Variants in BTRC observed in about 807,000 individuals in gnomAD.
BTRC encodes the protein beta-transducin repeat containing E3 ubiquitin protein ligase, also known as F-box/WD repeat-containing protein 1A.
Under a neutral mutation model 85.5 loss-of-function variants are expected in BTRC, and 42 were observed. The ratio of observed to expected loss-of-function variants is 0.49; its 90% confidence interval spans 0.38 to 0.64. The LOEUF (loss-of-function observed/expected upper bound fraction) is 0.64, where lower values mean the gene tolerates loss of function less well. Ranked by LOEUF, BTRC falls within the 30% of genes least tolerant of loss-of-function variation. The pLI is 0.00. For synonymous variants in BTRC, 255 were observed against 263.3 expected (o/e 0.97, Z 0.30); for missense variants, 594 against 743.5 (o/e 0.80, Z 2.34).
chr10:101,436,623 AAAATAGATAGATAGAT>A (rs1254139063), intron 2 of BTRC, among the ~76,000 whole-genome samples: 1 of 106,876 alleles, frequency 9.4e-6, no homozygotes, highest in East Asian at 3.1e-4. Context: ...TCAATTAAAA[AAAATAGATAGATAGAT>A]AGATAGATAG....
At chr10:101,466,735 T>C (rs902493741) in intron 3 of BTRC, among the ~76,000 whole-genome samples, 2 of 152,210 alleles carry the variant, frequency 1.3e-5, no homozygotes, top group African/African-American at 4.8e-5. Flanking sequence ...AATTGTCAGC[T>C]GAAAGAAAAA....
intron 2 of BTRC, among the ~76,000 whole-genome samples, chr10:101,460,505 G>T (rs1945196378): frequency 6.6e-6 from 1 of 151,834 alleles, no homozygotes; most frequent in African/African-American, 2.4e-5. Context: ...TTAATTTTAG[G>T]GACTTTTACA....
intron 1 of BTRC, among the ~76,000 whole-genome samples, chr10:101,367,466 A>G (rs1333673021): frequency 2.6e-5 from 4 of 152,168 alleles, no homozygotes; most frequent in Non-Finnish European, 5.9e-5. Context: ...AAATAGTTAC[A>G]TATTTTTAAT....
rs1378729392 is a variant in BTRC at position 101,366,906 on chromosome 10, ATT to A, written c.48+12679_48+12680del. Among the ~76,000 whole-genome samples, 41 of 29,418 alleles carry A rather than the reference ATT, an allele frequency of 1.4e-3. 2 individuals are homozygous for A. Among genetic ancestry groups the A allele is most frequent in the South Asian group, 3.5e-3 (3 of 848 alleles). 19.3% of individuals were successfully genotyped at this position (29,418 alleles called of 152,430 possible). On this transcript the variant is annotated intron_variant, in intron 1 of 14. Coordinates refer to ENST00000370187, the MANE Select transcript of BTRC (RefSeq NM_033637.4). ...TATATATTTATATATATTTATATAT[ATT>A]AATATATATTTATATATATTTATAT...
chr10:101,436,883 G>A (rs145348271), intron 2 of BTRC, among the ~76,000 whole-genome samples: 49 of 152,172 alleles, frequency 3.2e-4, no homozygotes, highest in Non-Finnish European at 2.6e-4. Flanking sequence ...ATGTTAAAAT[G>A]GAACAATACA....
At chr10:101,366,940 ATATATATTTATATATATATT>A (rs1942443087) in intron 1 of BTRC, among the ~76,000 whole-genome samples, 1 of 12,956 alleles carries the variant, frequency 7.7e-5, no homozygotes, top group Admixed American at 1.6e-3. Context: ...ATATATATTT[ATATATATTTATATATATATT>A]TATATAAATA....
chr10:101,369,946 GACTT>G (rs1156790255), intron 1 of BTRC, among the ~76,000 whole-genome samples: 2 of 152,158 alleles, frequency 1.3e-5, no homozygotes, highest in East Asian at 3.9e-4. Flanking sequence ...TGCCGTCCTT[GACTT>G]ACTTAGGCTC....
intron 1 of BTRC, among the ~76,000 whole-genome samples, chr10:101,405,843 T>C (rs1047266274): frequency 6.6e-6 from 1 of 152,220 alleles, no homozygotes; most frequent in African/African-American, 2.4e-5. Flanking sequence ...TTGAACTTCC[T>C]TCATGGCCCA....
intron 1 of BTRC, among the ~76,000 whole-genome samples, chr10:101,396,741 G>A (rs1943373314): frequency 7.6e-6 from 1 of 131,148 alleles, no homozygotes; most frequent in African/African-American, 2.5e-5. Context: ...TATTCGTCAG[G>A]GTTTGTTGAT....
At chr10:101,450,793 T>G (rs1295422197) in intron 2 of BTRC, among the ~76,000 whole-genome samples, 1 of 152,144 alleles carries the variant, frequency 6.6e-6, no homozygotes, top group Non-Finnish European at 1.5e-5. Context: ...TTTGTTGGCT[T>G]TGTTTTAGAT....
chr10:101,447,077 C>T (rs1944846988), intron 2 of BTRC, among the ~76,000 whole-genome samples: 1 of 152,068 alleles, frequency 6.6e-6, no homozygotes, highest in South Asian at 2.1e-4. Flanking sequence ...CGGGTCAAGG[C>T]AGACCAGACG....
At chr10:101,436,747 G>A (rs1944543443) in intron 2 of BTRC, among the ~76,000 whole-genome samples, 1 of 152,132 alleles carries the variant, frequency 6.6e-6, no homozygotes, top group South Asian at 2.1e-4. Context: ...AGTGAAACGT[G>A]ATATTTTAAC....
chr10:101,370,737 T>C (rs1193127766), intron 1 of BTRC, among the ~76,000 whole-genome samples: 1 of 151,178 alleles, frequency 6.6e-6, no homozygotes, highest in East Asian at 2.0e-4. Flanking sequence ...CATCGGCTAA[T>C]TTTTTTGCAT....
At chr10:101,525,199 G>T (rs1045852844) in intron 5 of BTRC, among the ~76,000 whole-genome samples, 1 of 152,090 alleles carries the variant, frequency 6.6e-6, no homozygotes, top group Non-Finnish European at 1.5e-5. Context: ...GATTTGGGTG[G>T]TGGAGAACTT....
chr10:101,427,504 T>TC lies in BTRC; in HGVS notation c.49-2840dup, dbSNP rs528911319. On this transcript the variant is annotated intron_variant, in intron 1 of 14. Coordinates refer to ENST00000370187, the MANE Select transcript of BTRC (RefSeq NM_033637.4). Reference sequence around the variant, plus strand: ...GAGACGGGTCCCTTCCTTCCTTCCTTCTTCTCTTTCTTCTCTTACTTTCTT... The same window carrying TC: ...GAGACGGGTCCCTTCCTTCCTTCCTTCCTTCTCTTTCTTCTCTTACTTTCTT... Among the ~76,000 whole-genome samples, 416 of 150,010 alleles carry TC rather than the reference T, an allele frequency of 2.8e-3. 2 individuals carry two copies. The highest frequency in any genetic ancestry group is 9.7e-3 in the African/African-American group (398 of 40,896).
In BTRC at chr10:101,366,876, ATT is replaced by A. The variant is rs1279407606; in HGVS notation, c.48+12650_48+12651del. Among the ~76,000 whole-genome samples, 6 of 21,156 alleles carry A rather than the reference ATT, an allele frequency of 2.8e-4. 2 individuals carry two copies. The highest frequency in any genetic ancestry group is 2.5e-3 in the East Asian group (3 of 1,208). The allele number at this position is 21,156 out of a possible 152,430, so 13.9% of individuals were successfully genotyped here. The stretch of plus-strand genomic sequence containing the variant: ...AATATATATTTATATATTAATATAT[ATT>A]TATATATATTTATATATATTTATAT... On this transcript the variant is annotated intron_variant, in intron 1 of 14. Coordinates refer to ENST00000370187, the MANE Select transcript of BTRC (RefSeq NM_033637.4).
Position 101,534,808 on chromosome 10 carries a change from C to T in BTRC, c.1245C>T (p.Asp415=). 6.2e-7 allele frequency: 1 copy of T among 1,614,178 alleles called. No individual in the cohort carries two copies. Among genetic ancestry groups the T allele is most frequent in the Non-Finnish European group, 8.5e-7 (1 of 1,180,034 alleles). The change falls in exon 10 of 15, where the codon GAC becomes GAT. Residue 415 remains aspartate (D), a synonymous_variant. Transcript: ENST00000370187. ...IAVWDMASPT[D]ITLRRVLVGH... ...TATGGGATATGGCCTCCCCAACTGACATTACCCTCCGGAGGGTGCTGGTCG... is the reference window on the plus strand; with the variant it reads ...TATGGGATATGGCCTCCCCAACTGATATTACCCTCCGGAGGGTGCTGGTCG...
At chr10:101,424,905 TAG>T (rs1457339041) in intron 1 of BTRC, among the ~76,000 whole-genome samples, 1 of 152,172 alleles carries the variant, frequency 6.6e-6, no homozygotes, top group Non-Finnish European at 1.5e-5. Context: ...CTCACCCAGG[TAG>T]AGAGTGCAAA....
intron 1 of BTRC, among the ~76,000 whole-genome samples, chr10:101,382,385 G>C (rs1331048759): frequency 1.3e-5 from 2 of 151,868 alleles, no homozygotes; most frequent in Admixed American, 1.3e-4. Context: ...GTTCCCTAAT[G>C]GTTTTTATTC....
Sources: gnomAD v4.1 joint callset for allele counts (sites outside exome capture counted in the v4.1 genomes callset) on GRCh38, gnomAD v4.1.1 for gene constraint, MANE v1.5 for transcripts, NCBI Gene and HGNC (gene_info 2026-07-23, HGNC 2026-07-21) for gene names.